ARHGEF37: variants seen among roughly 807,000 people sequenced by gnomAD.
The protein encoded by ARHGEF37 is Rho guanine nucleotide exchange factor 37, also known as Rho guanine nucleotide exchange factor (GEF) 37.
In ARHGEF37, 55 loss-of-function variants were observed where a neutral mutation model predicts 71.1. The observed-to-expected ratio is 0.77, with a 90% confidence interval of 0.62 to 0.97. The LOEUF (loss-of-function observed/expected upper bound fraction) is 0.97. ARHGEF37 is among the 50% of genes least tolerant of loss of function. The probability of loss-of-function intolerance (pLI) is 0.00; values close to 1 mark genes in which losing one functional copy is unlikely to be tolerated. For synonymous variants in ARHGEF37, 327 were observed against 350.6 expected (o/e 0.93, Z 0.75); for missense variants, 765 against 836.8 (o/e 0.91, Z 1.06).
rs185740653 is a variant in ARHGEF37 at position 149,624,073 on chromosome 5, G to A, written c.1397G>A (p.Arg466Gln). The A allele has an allele frequency of 1.8e-4, 297 of 1,611,886 alleles. No homozygotes were observed. Among genetic ancestry groups the A allele is most frequent in the Middle Eastern group, 1.8e-3 (11 of 6,058 alleles). The change falls in exon 10 of 13, where the codon CGG (arginine) becomes CAG (glutamine). Residue 466 changes from arginine to glutamine, a missense_variant. Physicochemically the swap from Arg to Gln is conservative, Grantham distance 43. This residue lies in a region of ARHGEF37 where 390 missense variants were observed against 407.4 expected (regional missense o/e 0.96). Transcript: ENST00000333677. ...AAGCTGGTGGAGGACGCACTGGGCCGGACGAGTAACCAGCTTCGCTCCTTT... is the reference window on the plus strand; with the variant it reads ...AAGCTGGTGGAGGACGCACTGGGCCAGACGAGTAACCAGCTTCGCTCCTTT... ...FRKLVEDALG[R>Q]TSNQLRSFQE... is the part of the protein sequence containing the mutation.
chr5:149,599,492 G>T (rs1157593643), intron 2 of ARHGEF37, among the ~76,000 whole-genome samples: 1 of 137,758 alleles, frequency 7.3e-6, no homozygotes, highest in African/African-American at 2.8e-5. Context: ...GCCCAGACTG[G>T]TCTCAAACTC....
chr5:149,573,389 C>T (rs1219560144), intron 1 of ARHGEF37, among the ~76,000 whole-genome samples: 1 of 152,192 alleles, frequency 6.6e-6, no homozygotes, highest in Non-Finnish European at 1.5e-5. Flanking sequence ...TGTATACACA[C>T]TTTGTTAGTT....
chr5:149,558,176 T>C (rs942437065), intron 1 of ARHGEF37, among the ~76,000 whole-genome samples: 3 of 151,890 alleles, frequency 2.0e-5, no homozygotes, highest in African/African-American at 7.3e-5. Context: ...TCGGCCCTTT[T>C]TTCTTCTTTC....
At position 149,627,290 on chromosome 5, in the gene ARHGEF37, G is replaced by A. The variant is rs771601212; in HGVS notation, c.1660+19G>A. 3.1e-6 allele frequency: 5 copies of A among 1,607,946 alleles called. No homozygotes were observed. Among genetic ancestry groups the A allele is most frequent in the Non-Finnish European group, 4.2e-6 (5 of 1,177,282 alleles). ...ACCGGGGGTACGTGAGCCTTTGGGA[G>A]CCCTTCTTCTCCTTCGGGGAAAACC... On this transcript the variant is annotated intron_variant, in intron 11 of 12. Coordinates refer to ENST00000333677, the MANE Select transcript of ARHGEF37 (RefSeq NM_001001669.3).
chr5:149,608,737 C>T (rs1763987143), intron 3 of ARHGEF37, among the ~76,000 whole-genome samples: 2 of 152,094 alleles, frequency 1.3e-5, no homozygotes, highest in South Asian at 4.1e-4. Flanking sequence ...AAACACTTGC[C>T]TCAGGTTACA....
intron 10 of ARHGEF37, among the ~76,000 whole-genome samples, chr5:149,624,435 T>C (rs1367098885): frequency 6.6e-6 from 1 of 152,224 alleles, no homozygotes; most frequent in Non-Finnish European, 1.5e-5. Flanking sequence ...GATGGGCAAC[T>C]GGCATTGACA....
chr5:149,598,542 T>C (rs2400889), intron 2 of ARHGEF37, among the ~76,000 whole-genome samples: 43,090 of 149,668 alleles, frequency 0.29, 6,619 homozygotes, highest in Admixed American at 0.43. Flanking sequence ...CTTTATTCGA[T>C]CACAAAGTCA....
upstream of ARHGEF37, among the ~76,000 whole-genome samples, chr5:149,578,450 G>A (rs1030746610): frequency 1.3e-5 from 2 of 152,154 alleles, no homozygotes; most frequent in Admixed American, 6.5e-5. Context: ...ACTCTCAAAT[G>A]TCTGCTGCCC....
chr5:149,605,399 A>T (rs1763888406), intron 3 of ARHGEF37, among the ~76,000 whole-genome samples: 1 of 152,170 alleles, frequency 6.6e-6, no homozygotes, highest in African/African-American at 2.4e-5. Flanking sequence ...ATCAGTATAA[A>T]CATTCATCAT....
intron 4 of ARHGEF37, among the ~76,000 whole-genome samples, chr5:149,610,773 G>T (rs777866855): frequency 6.6e-6 from 1 of 152,214 alleles, no homozygotes; most frequent in Non-Finnish European, 1.5e-5. Flanking sequence ...TGGAGGCTGC[G>T]CACACTAGAG....
At position 149,634,337 on chromosome 5, in the gene ARHGEF37, G is replaced by A. The variant is rs987932316; in HGVS notation, c.*2146G>A. 2.6e-5 allele frequency: 4 copies of A among 152,222 alleles called. No homozygotes were observed. Among genetic ancestry groups the A allele is most frequent in the Non-Finnish European group, 4.4e-5 (3 of 68,056 alleles). The allele number at this position is 152,222 out of a possible 1,614,324, so 9.4% of individuals were successfully genotyped here. ...GCTCTGCACTAGCTAGTTCAAACAG[G>A]CGCTTTAAAGGCAGTGTGAAAGGGG... is the stretch of plus-strand genomic sequence containing the variant. On this transcript the variant is annotated 3_prime_UTR_variant, in exon 13 of 13. Coordinates refer to ENST00000333677, the MANE Select transcript of ARHGEF37 (RefSeq NM_001001669.3).
chr5:149,625,005 T>C (rs1752644196), intron 10 of ARHGEF37, among the ~76,000 whole-genome samples: 1 of 149,256 alleles, frequency 6.7e-6, no homozygotes, highest in South Asian at 2.1e-4. Context: ...TTCAAGCAAT[T>C]CTTCTGCCTC....
chr5:149,571,212 G>A (rs1762958807), intron 1 of ARHGEF37, among the ~76,000 whole-genome samples: 1 of 152,058 alleles, frequency 6.6e-6, no homozygotes, highest in African/African-American at 2.4e-5. Context: ...AAAGGGCTGG[G>A]ATTACAGGCA....
intron 3 of ARHGEF37, among the ~76,000 whole-genome samples, chr5:149,603,481 C>A (rs1763820809): frequency 6.6e-6 from 1 of 152,134 alleles, no homozygotes; most frequent in African/African-American, 2.4e-5. Context: ...CTCTTAACTG[C>A]TACACTGAAT....
rs1470040736 is a variant in ARHGEF37, at chr5:149,632,662, A to G, written c.*471A>G. 1 of 162,820 alleles carries G rather than the reference A, an allele frequency of 6.1e-6. No homozygotes were observed. Among genetic ancestry groups the G allele is most frequent in the Non-Finnish European group, 1.4e-5 (1 of 73,386 alleles). 10.1% of individuals were successfully genotyped at this position (162,820 alleles called of 1,614,324 possible). Reference sequence around the variant, plus strand: ...ACACATGGTATCAGGAGACATCATAACCAATGAGTCAGCTTTTATTTCTCT... The same window carrying G: ...ACACATGGTATCAGGAGACATCATAGCCAATGAGTCAGCTTTTATTTCTCT... On this transcript the variant is annotated 3_prime_UTR_variant, in exon 13 of 13. Coordinates refer to ENST00000333677, the MANE Select transcript of ARHGEF37 (RefSeq NM_001001669.3).
chr5:149,618,053 C>A, intron 5 of ARHGEF37, 123 bp from the exon 6 acceptor site: 1 of 1,375,670 alleles, frequency 7.3e-7, no homozygotes, highest in Non-Finnish European at 1.0e-6. Context: ...GACTCACTAA[C>A]CTCATGAATG....
chr5:149,621,013 C>T (rs1752524793), intron 8 of ARHGEF37, among the ~76,000 whole-genome samples: 1 of 152,192 alleles, frequency 6.6e-6, no homozygotes, highest in South Asian at 2.1e-4. Flanking sequence ...ATTTAATCCT[C>T]ACCATATGGT....
At chr5:149,572,545 C>T (rs1318916228) in intron 1 of ARHGEF37, among the ~76,000 whole-genome samples, 3 of 152,202 alleles carry the variant, frequency 2.0e-5, no homozygotes, top group African/African-American at 4.8e-5. Context: ...ACCAAGCTGA[C>T]AAGTGATGGA....
intron 3 of ARHGEF37, among the ~76,000 whole-genome samples, chr5:149,605,387 T>C (rs1419055890): frequency 6.6e-6 from 1 of 152,200 alleles, no homozygotes; most frequent in African/African-American, 2.4e-5. Flanking sequence ...TTTTAACATG[T>C]AATCAGTATA....
Sources: allele counts gnomAD v4.1 joint callset (sites outside exome capture counted in the v4.1 genomes callset), GRCh38; gene constraint gnomAD v4.1.1; regional missense constraint gnomAD v4.1.1; transcripts MANE v1.5; gene names NCBI Gene and HGNC (gene_info 2026-07-23, HGNC 2026-07-21).